Variants in BAZ2B observed in about 807,000 individuals in gnomAD.
BAZ2B encodes bromodomain adjacent to zinc finger domain 2B, also known as bromodomain adjacent to zinc finger domain protein 2B.
BAZ2B carries 91 observed loss-of-function variants against 246.0 expected under a neutral mutation model. That is an observed-to-expected ratio of 0.37 (90% CI 0.31 to 0.44). BAZ2B has a LOEUF of 0.44. Ranked by LOEUF, BAZ2B falls within the 20% of genes least tolerant of loss-of-function variation. BAZ2B has a pLI of 1.00. For synonymous variants in BAZ2B, 855 were observed against 860.0 expected (o/e 0.99, Z 0.10); for missense variants, 2,332 against 2,533.7 (o/e 0.92, Z 1.71).
At chr2:159,427,823 T>C in intron 13 of BAZ2B, 118 bp downstream of exon 13, 1 of 742,822 alleles carries the variant, frequency 1.3e-6, no homozygotes, top group Non-Finnish European at 2.2e-6. Context: ...AAGTTATATG[T>C]ATAGCCATAT....
At chr2:159,595,037 T>A (rs1690326068) in intron 1 of BAZ2B, among the ~76,000 whole-genome samples, 1 of 152,234 alleles carries the variant, frequency 6.6e-6, no homozygotes, top group Non-Finnish European at 1.5e-5. Context: ...TATTAAATAA[T>A]TATTCAATGC....
At chr2:159,549,774 TAAA>T (rs201877310) in intron 2 of BAZ2B, among the ~76,000 whole-genome samples, 2 of 132,756 alleles carry the variant, frequency 1.5e-5, no homozygotes, top group Non-Finnish European at 3.2e-5. Context: ...GTGAGATGTT[TAAA>T]AAAAAAAAAA....
chr2:159,423,379 G>C (rs866424387), intron 13 of BAZ2B, among the ~76,000 whole-genome samples: 18 of 151,992 alleles, frequency 1.2e-4, no homozygotes, highest in African/African-American at 3.6e-4. Context: ...TTGTTGGCAA[G>C]GTTGCAAAGA....
At chr2:159,628,017 T>C in the BAZ2B span, among the ~76,000 whole-genome samples, 1 of 151,940 alleles carries the variant, frequency 6.6e-6, no homozygotes, top group African/African-American at 2.4e-5. Flanking sequence ...CATTCCTACA[T>C]ACCAATAATA....
intron 1 of BAZ2B, among the ~76,000 whole-genome samples, chr2:159,564,139 C>G (rs76673225): frequency 4.5e-4 from 69 of 152,244 alleles, no homozygotes; most frequent in African/African-American, 1.6e-3. Context: ...AAGGAGGTAT[C>G]TCTGAGAAGA....
At chr2:159,451,972 T>C (rs1458058468) in intron 4 of BAZ2B, among the ~76,000 whole-genome samples, 6 of 152,222 alleles carry the variant, frequency 3.9e-5, no homozygotes, top group Non-Finnish European at 8.8e-5. Flanking sequence ...TTTTATCTAT[T>C]TTGATATTTA....
At chr2:159,382,376 T>C (rs981773256) in intron 25 of BAZ2B, among the ~76,000 whole-genome samples, 183 bp downstream of exon 25, 1 of 152,220 alleles carries the variant, frequency 6.6e-6, no homozygotes, top group Admixed American at 6.5e-5. Flanking sequence ...ACAAGATATT[T>C]ACATAACCAT....
chr2:159,429,353 TTAA>T, intron 10 of BAZ2B, 93 bp from the exon 11 acceptor site: 2 of 706,868 alleles, frequency 2.8e-6, no homozygotes, highest in Non-Finnish European at 4.3e-6. Context: ...AAAGTATATG[TTAA>T]TAACTTGGAT....
At chr2:159,686,964 C>T in the BAZ2B span, among the ~76,000 whole-genome samples, 5 of 147,586 alleles carry the variant, frequency 3.4e-5, no homozygotes, top group African/African-American at 1.3e-4. Context: ...ATGGCGTCAA[C>T]CCGGGTGGCG....
At chr2:159,648,384 T>G in the BAZ2B span, among the ~76,000 whole-genome samples, 1 of 152,084 alleles carries the variant, frequency 6.6e-6, no homozygotes, top group East Asian at 1.9e-4. Flanking sequence ...CTAATCCACC[T>G]GCCTCAGCCT....
the BAZ2B span, among the ~76,000 whole-genome samples, chr2:159,676,575 G>A: frequency 7.9e-5 from 12 of 151,386 alleles, no homozygotes; most frequent in South Asian, 4.2e-4. Flanking sequence ...AGCTACTTGG[G>A]AGGCTGAGGT....
chr2:159,604,755 G>A (rs1055920783), intron 1 of BAZ2B, among the ~76,000 whole-genome samples: 2 of 152,066 alleles, frequency 1.3e-5, no homozygotes, highest in Non-Finnish European at 2.9e-5. Context: ...GGGAAGTTGG[G>A]CCTTAACATA....
At chr2:159,365,591 C>T (rs2060135326) in intron 27 of BAZ2B, among the ~76,000 whole-genome samples, 1 of 152,204 alleles carries the variant, frequency 6.6e-6, no homozygotes, top group Non-Finnish European at 1.5e-5. Flanking sequence ...CTAGCTACAC[C>T]TACAGAAGGG....
At chr2:159,325,063 T>A (rs1558941975) in intron 35 of BAZ2B, 109 bp from the exon 36 acceptor site, 23 of 1,600 alleles carry the variant, frequency 0.014, no homozygotes, top group African/African-American at 0.044. Context: ...ATATATATTA[T>A]ATATATATAT....
the BAZ2B span, among the ~76,000 whole-genome samples, chr2:159,678,487 G>T: frequency 1.3e-5 from 2 of 152,066 alleles, no homozygotes; most frequent in Non-Finnish European, 2.9e-5. Context: ...TCATAGCACA[G>T]CACAGTTACA....
chr2:159,468,456 T>C (rs1468740823), intron 3 of BAZ2B, among the ~76,000 whole-genome samples: 2 of 152,092 alleles, frequency 1.3e-5, no homozygotes, highest in Non-Finnish European at 2.9e-5. Context: ...AAAGCAGAAG[T>C]GGGAAGCCAA....
chr2:159,360,789 T>C (rs2059606810), intron 27 of BAZ2B, among the ~76,000 whole-genome samples: 1 of 152,078 alleles, frequency 6.6e-6, no homozygotes, highest in Non-Finnish European at 1.5e-5. Flanking sequence ...GCCTCAGAAA[T>C]AATGCCACAC....
rs1485187845 is a variant in BAZ2B, at chr2:159,320,206, C to T, written c.*59G>A. 7.2e-7 allele frequency: 1 copy of T among 1,390,028 alleles called. No individual in the cohort carries two copies. Among genetic ancestry groups the T allele is most frequent in the Non-Finnish European group, 9.5e-7 (1 of 1,055,298 alleles). The allele number at this position is 1,390,028 out of a possible 1,614,324, so 86.1% of individuals were successfully genotyped here. A position where few individuals can be genotyped will look rare whatever the true frequency, so the allele number is the denominator to read the frequency against. ...TGCACGTTTATGTAAATACAGTTCA[C>T]ATTGCTGGTCTCATTTGTCCTTGTT... On this transcript the variant is annotated 3_prime_UTR_variant, in exon 37 of 37. Transcript: ENST00000392783.
At chr2:159,679,162 C>T in the BAZ2B span, among the ~76,000 whole-genome samples, 1 of 147,700 alleles carries the variant, frequency 6.8e-6, no homozygotes, top group Non-Finnish European at 1.5e-5. Flanking sequence ...GTCCCAGCTA[C>T]TTGGGAGGCT....
Sources: gnomAD v4.1 joint callset for allele counts (sites outside exome capture counted in the v4.1 genomes callset) on GRCh38, gnomAD v4.1.1 for gene constraint, MANE v1.5 for transcripts, NCBI Gene and HGNC (gene_info 2026-07-23, HGNC 2026-07-21) for gene names.